GATAD2A: variants seen among roughly 807,000 people sequenced by gnomAD.
GATAD2A encodes the protein GATA zinc finger domain containing 2A, also known as transcriptional repressor p66-alpha.
In GATAD2A, 12 loss-of-function variants were observed where a neutral mutation model predicts 68.5. The ratio of observed to expected loss-of-function variants is 0.18; its 90% CI spans 0.11 to 0.28. The LOEUF (loss-of-function observed/expected upper bound fraction) is 0.28. Ranked by LOEUF, GATAD2A falls within the 10% of genes least tolerant of loss-of-function variation. The pLI is 1.00. For missense variants in GATAD2A, 755 were observed against 868.5 expected (o/e 0.87, Z 1.64); for synonymous variants, 410 against 375.3 (o/e 1.09, Z -1.07).
intron 1 of GATAD2A, among the ~76,000 whole-genome samples, chr19:19,412,089 T>TC (rs1491575024): frequency 6.8e-5 from 10 of 146,736 alleles, no homozygotes; most frequent in East Asian, 2.0e-4. Flanking sequence ...TCTCTCTCTC[T>TC]TTTTTTTTTG....
chr19:19,501,882 C>A, intron 9 of GATAD2A, 87 bp from the exon 10 acceptor site: 1 of 965,410 alleles, frequency 1.0e-6, no homozygotes, highest in Non-Finnish European at 1.6e-6. Context: ...CCCCAGGGGA[C>A]GGGCCTGTCC....
At chr19:19,394,783 T>C (rs917467091) in intron 1 of GATAD2A, among the ~76,000 whole-genome samples, 2 of 152,212 alleles carry the variant, frequency 1.3e-5, no homozygotes, top group South Asian at 2.1e-4. Flanking sequence ...AGGTGCTGTT[T>C]AGACTTTTTT....
At chr19:19,444,986 T>C (rs145949650) in intron 1 of GATAD2A, among the ~76,000 whole-genome samples, 5 of 152,176 alleles carry the variant, frequency 3.3e-5, no homozygotes, top group African/African-American at 9.6e-5. Flanking sequence ...GTAACTCTTG[T>C]GATTCCAGCC....
At chr19:19,496,795 G>A (rs1355992362) in intron 7 of GATAD2A, among the ~76,000 whole-genome samples, 2 of 152,232 alleles carry the variant, frequency 1.3e-5, no homozygotes, top group Non-Finnish European at 2.9e-5. Flanking sequence ...AGGGGCGGGT[G>A]GGCTGGAAAC....
chr19:19,502,014 C>T lies in GATAD2A; in HGVS notation c.1549C>T (p.Arg517Cys), dbSNP rs763124030. The change falls in exon 10 of 12, where the codon CGC becomes TGC. Residue 517 changes from arginine (R) to cysteine (C), a missense_variant. Physicochemically the swap from Arg to Cys is radical, Grantham distance 180. Transcript: ENST00000683918. ...GTTGGCGTTCCGCTCAGGAGAGGCC[C>T]GCGACTGGAGTAACGGGGCTGTGCT... is the stretch of plus-strand genomic sequence containing the variant. ...RKLAFRSGEA[R>C]DWSNGAVLQA... 35 of 1,613,762 alleles carry T rather than the reference C, an allele frequency of 2.2e-5. No individual in the cohort carries two copies. The highest frequency in any genetic ancestry group is 1.6e-4 in the Middle Eastern group (1 of 6,084).
chr19:19,433,705 A>G (rs978557477), intron 1 of GATAD2A, among the ~76,000 whole-genome samples: 5 of 152,258 alleles, frequency 3.3e-5, no homozygotes, highest in Non-Finnish European at 7.3e-5. Flanking sequence ...ATAACATACA[A>G]CAGAAATTGA....
intron 1 of GATAD2A, among the ~76,000 whole-genome samples, chr19:19,431,453 C>T (rs571247158): frequency 7.9e-5 from 12 of 151,178 alleles, no homozygotes; most frequent in Admixed American, 4.6e-4. Flanking sequence ...CCCAGCACTT[C>T]GGGAGGCTGA....
At chr19:19,419,321 C>G (rs1568718011) in intron 1 of GATAD2A, among the ~76,000 whole-genome samples, 1 of 152,172 alleles carries the variant, frequency 6.6e-6, no homozygotes, top group South Asian at 2.1e-4. Flanking sequence ...CAGCCCCTTC[C>G]TGCATCTCGT....
intron 1 of GATAD2A, among the ~76,000 whole-genome samples, chr19:19,412,088 C>CTCT (rs2051008006): frequency 6.9e-6 from 1 of 144,182 alleles, no homozygotes; most frequent in African/African-American, 2.6e-5. Context: ...CTCTCTCTCT[C>CTCT]TTTTTTTTTT....
At chr19:19,467,622 A>G (rs919568283) in intron 2 of GATAD2A, among the ~76,000 whole-genome samples, 2 of 152,120 alleles carry the variant, frequency 1.3e-5, no homozygotes, top group Non-Finnish European at 2.9e-5. Flanking sequence ...TATTTTGTTT[A>G]TAGAGTTTCT....
chr19:19,495,870 C>A lies in GATAD2A; in HGVS notation c.741C>A (p.Leu247=). The change falls in exon 6 of 12, where the codon CTC becomes CTA. Residue 247 remains leucine (L), a synonymous_variant. Coordinates refer to ENST00000683918, the MANE Select transcript of GATAD2A (RefSeq NM_001384528.1). ...QASSQVVMPP[L]VRGAQQIHSI... is the part of the protein sequence containing the mutation. ...GCTCACAGGTCGTCATGCCCCCACT[C>A]GTCAGGGGGGCTCAGGTAAGCAGGG... is the stretch of plus-strand genomic sequence containing the variant. 6.2e-7 allele frequency: 1 copy of A among 1,612,738 alleles called. No individual in the cohort carries two copies. Among genetic ancestry groups the A allele is most frequent in the South Asian group, 1.1e-5 (1 of 91,020 alleles).
chr19:19,460,649 TC>T (rs984098584), intron 1 of GATAD2A, among the ~76,000 whole-genome samples: 8 of 151,998 alleles, frequency 5.3e-5, no homozygotes, highest in African/African-American at 1.2e-4. Flanking sequence ...AATCTGCTCC[TC>T]CCCATCTCAG....
chr19:19,411,616 C>T (rs918261908), intron 1 of GATAD2A, among the ~76,000 whole-genome samples: 1 of 152,188 alleles, frequency 6.6e-6, no homozygotes, highest in African/African-American at 2.4e-5. Flanking sequence ...TTGTCACTGA[C>T]GATATGCAGT....
At chr19:19,417,897 A>G (rs1015114873) in intron 1 of GATAD2A, among the ~76,000 whole-genome samples, 13 of 152,168 alleles carry the variant, frequency 8.5e-5, no homozygotes, top group Admixed American at 7.2e-4. Context: ...CTGCTCGACC[A>G]GTGCTGAGCC....
intron 9 of GATAD2A, among the ~76,000 whole-genome samples, chr19:19,501,650 C>T (rs1330908084): frequency 6.6e-6 from 1 of 152,202 alleles, no homozygotes; most frequent in Non-Finnish European, 1.5e-5. Flanking sequence ...CTGAAAGCCA[C>T]GTTGAGATAC....
At chr19:19,484,852 G>T (rs889707183) in intron 2 of GATAD2A, among the ~76,000 whole-genome samples, 2 of 152,186 alleles carry the variant, frequency 1.3e-5, no homozygotes, top group Admixed American at 6.5e-5. Context: ...ATTTTTCTAG[G>T]AGTGTTTCTT....
Position 19,465,270 on chromosome 19 carries a change from A to C in GATAD2A, c.-6-70A>C, listed in dbSNP as rs1568310275. The C allele has an allele frequency of 5.0e-6, 6 of 1,191,602 alleles. No individual in the cohort carries two copies. The East Asian group carries it at 1.4e-4, about 28-fold the overall frequency. 73.8% of individuals were successfully genotyped at this position (1,191,602 alleles called of 1,614,324 possible). On this transcript the variant is annotated intron_variant, in intron 1 of 11. Transcript: ENST00000683918. ...GAGGAAAACACTGAAAGCAACACTG[A>C]AAAGTCTCCAAGAAGGTGGCACCTT...
rs1236503302 is a variant in GATAD2A at position 19,508,152 on chromosome 19, C to T, written c.*2678C>T. 6.6e-6 allele frequency: 1 copy of T among 152,260 alleles called. No homozygotes were observed. Among genetic ancestry groups the T allele is most frequent in the Non-Finnish European group, 1.5e-5 (1 of 68,072 alleles). The allele number at this position is 152,260 out of a possible 1,614,324, so 9.4% of individuals were successfully genotyped here. ...GTCCCCTGTTACCTGTGACATGAAC[C>T]TCCAACAGCACCTGGAAACGGTTCC... On this transcript the variant is annotated 3_prime_UTR_variant, in exon 12 of 12. Transcript: ENST00000683918.
chr19:19,450,165 G>A (rs1375037750), intron 1 of GATAD2A, among the ~76,000 whole-genome samples: 2 of 152,150 alleles, frequency 1.3e-5, no homozygotes, highest in African/African-American at 2.4e-5. Flanking sequence ...TGGATGTCCT[G>A]GTCGTTGGTC....
Sources: gnomAD v4.1 joint callset for allele counts (sites outside exome capture counted in the v4.1 genomes callset) on GRCh38, gnomAD v4.1.1 for gene constraint, MANE v1.5 for transcripts, NCBI Gene and HGNC (gene_info 2026-07-23, HGNC 2026-07-21) for gene names.